Variants in RADIL observed in about 807,000 individuals in gnomAD.
RADIL encodes Rap associating with DIL domain.
Under a neutral mutation model 97.6 loss-of-function variants are expected in RADIL, and 99 were observed. The observed-to-expected ratio is 1.01, with a 90% CI of 0.86 to 1.20. RADIL has a LOEUF of 1.20. Ranked by LOEUF, RADIL falls within the 50% of genes most tolerant of loss-of-function variation. The pLI is 0.00. For missense variants in RADIL, 1,765 were observed against 1,498.9 expected (o/e 1.18, Z -2.93); for synonymous variants, 803 against 691.8 (o/e 1.16, Z -2.52).
At chr7:4,839,343 G>A (rs1395313622) in intron 2 of RADIL, among the ~76,000 whole-genome samples, 1 of 152,186 alleles carries the variant, frequency 6.6e-6, no homozygotes, top group East Asian at 1.9e-4. Flanking sequence ...TGGGGTCGGA[G>A]AGTGTGCTTG....
At position 4,799,015 on chromosome 7, in the gene RADIL, G is replaced by T; in HGVS notation, c.*363C>A. ...AGCTGTCACTGCATTCTCCCGTGCCGGTGGCAGGCAGAGGCCATGGGGAGC... is the reference window on the plus strand; with the variant it reads ...AGCTGTCACTGCATTCTCCCGTGCCTGTGGCAGGCAGAGGCCATGGGGAGC... On this transcript the variant is annotated 3_prime_UTR_variant, in exon 15 of 15. Transcript: ENST00000399583. The T allele has an allele frequency of 3.9e-6, 1 of 255,126 alleles. No individual in the cohort carries two copies. The highest frequency in any genetic ancestry group is 4.5e-5 in the South Asian group (1 of 22,006). The allele number at this position is 255,126 out of a possible 1,614,324, so 15.8% of individuals were successfully genotyped here. A position where few individuals can be genotyped will look rare whatever the true frequency, so the allele number is the denominator to read the frequency against.
At position 4,878,275 on chromosome 7, in the gene RADIL, GAC is replaced by G; in HGVS notation, c.-64-74_-64-73del. The G allele has an allele frequency of 9.9e-7, 1 of 1,006,158 alleles. No individual in the cohort carries two copies. The highest frequency in any genetic ancestry group is 1.4e-6 in the Non-Finnish European group (1 of 711,834). 62.3% of individuals were successfully genotyped at this position (1,006,158 alleles called of 1,614,324 possible). On this transcript the variant is annotated intron_variant, in intron 1 of 14. Coordinates refer to ENST00000399583, the MANE Select transcript of RADIL (RefSeq NM_018059.5). This position sits in a 1 kb window ranked among gnomAD's most constrained non-coding sequence, Gnocchi z 4.1. ...AAGAGCAAATGAGGCCACAGGCGGT[GAC>G]TCCTGCCCGTCATCCCAGCGCTTTA...
chr7:4,815,674 G>A lies in RADIL; in HGVS notation c.1967-224C>T, dbSNP rs1394350809. 1.3e-5 allele frequency among the ~76,000 whole-genome samples: 2 copies of A among 152,160 alleles called. No homozygotes were observed. The highest frequency in any genetic ancestry group is 2.9e-5 in the Non-Finnish European group (2 of 68,018). On this transcript the variant is annotated intron_variant, in intron 8 of 14. Coordinates refer to ENST00000399583, the MANE Select transcript of RADIL (RefSeq NM_018059.5). This position sits in a 1 kb window ranked among gnomAD's most constrained non-coding sequence, Gnocchi z 8.0. ...GAGGTGAACGTAGCAGGGCAGGGTG[G>A]GCTGTGACTGCCGCTGACTCCACAG...
At chr7:4,807,552 C>CCCTCCCT (rs1028087578) in intron 9 of RADIL, among the ~76,000 whole-genome samples, 1 of 116,738 alleles carries the variant, frequency 8.6e-6, no homozygotes, top group Admixed American at 8.3e-5. Flanking sequence ...CCTCTGTCTC[C>CCCTCCCT]CCTCCCTCCT....
intron 2 of RADIL, chr7:4,861,834 G>GCACGTCCCGCACCACCGCGACCTT: frequency 7.9e-7 from 1 of 1,268,420 alleles, no homozygotes. Context: ...CCCCGCCAGG[G>GCACGTCCCGCACCACCGCGACCTT]CACGTCCCCC....
At chr7:4,861,636 G>C in intron 2 of RADIL, 1 of 1,610,200 alleles carries the variant, frequency 6.2e-7, no homozygotes, top group South Asian at 1.1e-5. Context: ...CTGCGCTGCA[G>C]TTCCTCTTCC....
intron 9 of RADIL, among the ~76,000 whole-genome samples, chr7:4,807,555 TC>T (rs1214188822): frequency 1.9e-5 from 1 of 52,920 alleles, no homozygotes; most frequent in Non-Finnish European, 3.5e-5. Flanking sequence ...CTGTCTCCCC[TC>T]CCTCCTCCCT....
intron 2 of RADIL, chr7:4,865,698 A>C (rs1784115721): frequency 2.0e-6 from 2 of 997,258 alleles, no homozygotes; most frequent in African/African-American, 1.6e-5. Context: ...AATTGGCAGC[A>C]TCTGTGATTC....
chr7:4,799,355 GT>G lies in RADIL; in HGVS notation c.*22del. The G allele has an allele frequency of 6.2e-7, 1 of 1,610,396 alleles. No individual in the cohort carries two copies. Among genetic ancestry groups the G allele is most frequent in the Non-Finnish European group, 8.5e-7 (1 of 1,177,266 alleles). ...CCAGGTGGGACCGGGTGCCGGGCCT[GT>G]GGGGGTGTCCTCGCAGCCCCCCTAG... On this transcript the variant is annotated 3_prime_UTR_variant, in exon 15 of 15. Coordinates refer to ENST00000399583, the MANE Select transcript of RADIL (RefSeq NM_018059.5).
At chr7:4,807,433 G>A (rs147751274) in intron 9 of RADIL, among the ~76,000 whole-genome samples, 4 of 151,922 alleles carry the variant, frequency 2.6e-5, no homozygotes, top group African/African-American at 7.3e-5. Flanking sequence ...GGGGCCAAGA[G>A]ATCAGCTTCA....
At chr7:4,811,846 C>T (rs1782557786) in intron 9 of RADIL, among the ~76,000 whole-genome samples, 1 of 151,646 alleles carries the variant, frequency 6.6e-6, no homozygotes. Context: ...CTTGAATCTT[C>T]TTCAGGGGAA....
chr7:4,805,992 G>A (rs1782294666), intron 9 of RADIL: 2 of 985,346 alleles, frequency 2.0e-6, no homozygotes, highest in Non-Finnish European at 2.4e-6. Context: ...CGGCCTCACA[G>A]GCGGCCGCCA....
rs1175540447 is a variant in RADIL at position 4,816,499 on chromosome 7, T to C, written c.1729-34A>G. 4 of 1,565,102 alleles carry C rather than the reference T, an allele frequency of 2.6e-6. No individual in the cohort carries two copies. The South Asian group carries it at 4.5e-5, about 18-fold the overall frequency. Reference sequence around the variant, plus strand: ...GGCAAGAGGAGAACAGCAACCAGCATTTCCAGGAGCGCTGGCGGCCGAACG... The same window carrying C: ...GGCAAGAGGAGAACAGCAACCAGCACTTCCAGGAGCGCTGGCGGCCGAACG... On this transcript the variant is annotated intron_variant, in intron 7 of 14. Transcript: ENST00000399583.
intron 2 of RADIL, 94 bp downstream of exon 2, chr7:4,877,511 G>C (rs541780800): frequency 2.2e-6 from 3 of 1,388,832 alleles, no homozygotes; most frequent in Non-Finnish European, 2.9e-6. Flanking sequence ...CCCGCCCCAC[G>C]CATGTCCCCT....
At position 4,835,386 on chromosome 7, in the gene RADIL, AC is replaced by A; in HGVS notation, c.784-148del. ...TGTCCCTGGCCACCCCCACACCAGA[AC>A]CCCGACGGCTCTCAGGAACCCGCCC... On this transcript the variant is annotated intron_variant, in intron 3 of 14. Coordinates refer to ENST00000399583, the MANE Select transcript of RADIL (RefSeq NM_018059.5). The surrounding 1 kb of genome is among the most constrained non-coding windows in gnomAD (Gnocchi z 5.8). 1 of 1,066,420 alleles carries A rather than the reference AC, an allele frequency of 9.4e-7. No individual in the cohort carries two copies. Among genetic ancestry groups the A allele is most frequent in the Non-Finnish European group, 1.3e-6 (1 of 747,160 alleles). 66.1% of individuals were successfully genotyped at this position (1,066,420 alleles called of 1,614,324 possible).
At chr7:4,871,190 T>A (rs928255561) in intron 2 of RADIL, among the ~76,000 whole-genome samples, 1 of 152,232 alleles carries the variant, frequency 6.6e-6, no homozygotes, top group Non-Finnish European at 1.5e-5. Context: ...GGAAGGGAAG[T>A]CCCAGTTAAG....
chr7:4,829,442 G>T (rs974215097), intron 5 of RADIL, among the ~76,000 whole-genome samples: 24 of 152,190 alleles, frequency 1.6e-4, no homozygotes, highest in Admixed American at 5.2e-4. Flanking sequence ...CAGGTCAGTG[G>T]TCCCCAAGCT....
At chr7:4,808,227 CT>C (rs1194297127) in intron 9 of RADIL, among the ~76,000 whole-genome samples, 3 of 149,776 alleles carry the variant, frequency 2.0e-5, no homozygotes, top group African/African-American at 7.4e-5. Context: ...CCTCCGCCCC[CT>C]CTCTCTCCCC....
intron 2 of RADIL, among the ~76,000 whole-genome samples, chr7:4,862,223 T>A (rs943978048): frequency 5.9e-5 from 9 of 152,210 alleles, no homozygotes; most frequent in Admixed American, 5.2e-4. Context: ...ACTTTACCCA[T>A]CTAATTCTTT....
Sources: gnomAD v4.1 joint callset for allele counts (sites outside exome capture counted in the v4.1 genomes callset) on GRCh38, gnomAD v4.1.1 for gene constraint, Gnocchi (gnomAD v3.1) non-coding constraint, MANE v1.5 for transcripts, NCBI Gene and HGNC (gene_info 2026-07-23, HGNC 2026-07-21) for gene names.